EVC2: variants seen among roughly 807,000 people sequenced by gnomAD.
EVC2 encodes the protein limbin.
A neutral mutation model predicts 149.3 loss-of-function variants in EVC2; 148 were observed. The observed-to-expected ratio is 0.99, with a 90% CI of 0.87 to 1.14. EVC2 has a LOEUF of 1.14. Ranked by LOEUF, EVC2 falls within the 50% of genes most tolerant of loss-of-function variation. The pLI is 0.00. For missense variants in EVC2, 1,854 were observed against 1,627.3 expected (o/e 1.14, Z -2.40); for synonymous variants, 776 against 649.9 (o/e 1.19, Z -2.95).
the EVC2 span, among the ~76,000 whole-genome samples, chr4:5,535,625 G>GAGAGAGAGAGAGAGAGAGAGAGAT: frequency 6.0e-5 from 9 of 150,568 alleles, no homozygotes; most frequent in African/African-American, 2.2e-4. This position sits in a 1 kb window ranked among gnomAD's most constrained non-coding sequence, Gnocchi z 4.7. Flanking sequence ...GAGAGAGAGA[G>GAGAGAGAGAGAGAGAGAGAGAGAT]AGAGAGAGAA....
chr4:5,553,045 T>C (rs548649482), intron 21 of EVC2, among the ~76,000 whole-genome samples: 1 of 152,308 alleles, frequency 6.6e-6, no homozygotes, highest in African/African-American at 2.4e-5. Flanking sequence ...CTTTCTCACA[T>C]TGCTATAAAG....
intron 16 of EVC2, among the ~76,000 whole-genome samples, chr4:5,596,103 C>A (rs1024561630): frequency 5.9e-5 from 9 of 152,128 alleles, no homozygotes; most frequent in Non-Finnish European, 8.8e-5. Context: ...GACTTAGACT[C>A]CCACACAATA....
At position 5,666,996 on chromosome 4, in the gene EVC2, C is replaced by T. The variant is rs185555909; in HGVS notation, c.871-1347G>A. Among the ~76,000 whole-genome samples the T allele has an allele frequency of 2.1e-3, 327 of 152,238 alleles. 2 individuals are homozygous for T. The highest frequency in any genetic ancestry group is 7.6e-3 in the African/African-American group (314 of 41,560). ...CTACTGTCTTCTGACAGAAGTGTGC[C>T]TGATGGCCTTTTAGAAGAATCTGTT... is the stretch of plus-strand genomic sequence containing the variant. On this transcript the variant is annotated intron_variant, in intron 7 of 21. Transcript: ENST00000344408.
At chr4:5,559,921 C>G (rs1168141215), downstream of EVC2, among the ~76,000 whole-genome samples, 1 of 152,080 alleles carries the variant, frequency 6.6e-6, no homozygotes, top group East Asian at 1.9e-4. The surrounding 1 kb of genome is among the most constrained non-coding windows in gnomAD (Gnocchi z 5.0). Context: ...ATAGTGACTT[C>G]CTTACAAAGA....
chr4:5,687,224 T>C (rs1320469586), intron 5 of EVC2, among the ~76,000 whole-genome samples: 1 of 151,842 alleles, frequency 6.6e-6, no homozygotes. Flanking sequence ...GCCACTGCAC[T>C]CTAGGCTGGG....
chr4:5,581,514 G>A (rs1711785297), intron 17 of EVC2, among the ~76,000 whole-genome samples: 1 of 150,738 alleles, frequency 6.6e-6, no homozygotes, highest in African/African-American at 2.4e-5. Context: ...GAGATCTGTG[G>A]AATTTTTAAT....
chr4:5,624,994 C>T lies in EVC2; in HGVS notation c.2046+755G>A, dbSNP rs114880867. 2.5e-4 allele frequency among the ~76,000 whole-genome samples: 38 copies of T among 152,274 alleles called. No homozygotes were observed. In the South Asian group the frequency reaches 6.2e-3, roughly 25 times the overall value. On this transcript the variant is annotated intron_variant, in intron 13 of 21. Transcript: ENST00000344408. ...GTTTAGGCCTGCATCCGCTCGCACC[C>T]GGCCAAGTACCAGAGCCTCCCATGG...
Position 5,677,571 on chromosome 4 carries a change from G to A in EVC2, c.870+3689C>T, listed in dbSNP as rs533329944. 3.9e-5 allele frequency among the ~76,000 whole-genome samples: 6 copies of A among 152,174 alleles called. No individual in the cohort carries two copies. The highest frequency in any genetic ancestry group is 2.1e-4 in the South Asian group (1 of 4,830). ...GGTGACGGGAAGCCTGGAAGACCTC[G>A]GCATGGCTCAATTCCATCCATAAGT... On this transcript the variant is annotated intron_variant, in intron 7 of 21. Coordinates refer to ENST00000344408, the MANE Select transcript of EVC2 (RefSeq NM_147127.5). The surrounding 1 kb of genome is among the most constrained non-coding windows in gnomAD (Gnocchi z 4.3).
intron 21 of EVC2, among the ~76,000 whole-genome samples, chr4:5,545,312 G>A (rs1421178940): frequency 6.6e-6 from 1 of 152,178 alleles, no homozygotes; most frequent in Non-Finnish European, 1.5e-5. Flanking sequence ...TCAGGCCAGG[G>A]AAGTCAGTAT....
chr4:5,594,463 C>A (rs553860549), intron 16 of EVC2, among the ~76,000 whole-genome samples: 2 of 152,174 alleles, frequency 1.3e-5, no homozygotes, highest in African/African-American at 2.4e-5. Flanking sequence ...AGGTAAACAG[C>A]GTCTGGAGTG....
chr4:5,569,013 C>T lies in EVC2; in HGVS notation c.3361-373G>A, dbSNP rs1263107720. On this transcript the variant is annotated intron_variant, in intron 19 of 21. Coordinates refer to ENST00000344408, the MANE Select transcript of EVC2 (RefSeq NM_147127.5). The surrounding 1 kb of genome is among the most constrained non-coding windows in gnomAD (Gnocchi z 4.8). Reference sequence around the variant, plus strand: ...CGAGCAGTGCAGGCTCTGGAAACAACAGAAGTGTCCCTAAACCAGTGGACA... The same window carrying T: ...CGAGCAGTGCAGGCTCTGGAAACAATAGAAGTGTCCCTAAACCAGTGGACA... Among the ~76,000 whole-genome samples the T allele has an allele frequency of 6.6e-6, 1 of 152,236 alleles. No individual in the cohort carries two copies. The highest frequency in any genetic ancestry group is 1.5e-5 in the Non-Finnish European group (1 of 68,048).
At chr4:5,701,175 C>G (rs1225341410) in intron 1 of EVC2, among the ~76,000 whole-genome samples, 1 of 152,204 alleles carries the variant, frequency 6.6e-6, no homozygotes, top group African/African-American at 2.4e-5. Flanking sequence ...TCTCACGTTG[C>G]ATCTCTCTGA....
At chr4:5,641,681 A>C (rs1676970641) in intron 9 of EVC2, among the ~76,000 whole-genome samples, 1 of 152,232 alleles carries the variant, frequency 6.6e-6, no homozygotes, top group African/African-American at 2.4e-5. Flanking sequence ...TTATGGTAAA[A>C]ATACATCTGA....
chr4:5,552,882 T>C (rs572185240), intron 21 of EVC2, among the ~76,000 whole-genome samples: 1 of 152,102 alleles, frequency 6.6e-6, no homozygotes, highest in Non-Finnish European at 1.5e-5. Flanking sequence ...GATCTGTGCA[T>C]ACAGAGAGGA....
intron 16 of EVC2, among the ~76,000 whole-genome samples, chr4:5,593,974 C>A (rs550810022): frequency 6.6e-6 from 1 of 152,328 alleles, no homozygotes; most frequent in Admixed American, 6.5e-5. Context: ...ATTGCTAGCA[C>A]GGCAGTCTGA....
chr4:5,690,334 C>G (rs1721029676), intron 4 of EVC2, among the ~76,000 whole-genome samples: 1 of 152,132 alleles, frequency 6.6e-6, no homozygotes, highest in Admixed American at 6.5e-5. Context: ...AGGACTGGCC[C>G]TTGAGCAGCT....
At chr4:5,688,064 T>C (rs917814448) in intron 5 of EVC2, among the ~76,000 whole-genome samples, 1 of 152,142 alleles carries the variant, frequency 6.6e-6, no homozygotes, top group Non-Finnish European at 1.5e-5. Flanking sequence ...AGCGGATTCA[T>C]CTTTATATCA....
rs1357048951 is a variant in EVC2, at chr4:5,670,238, T to C, written c.871-4589A>G. Among the ~76,000 whole-genome samples the C allele has an allele frequency of 6.6e-6, 1 of 152,112 alleles. No homozygotes were observed. The highest frequency in any genetic ancestry group is 3.2e-3 in the Middle Eastern group (1 of 316). ...ATTATCAACATCATCAATATCCCCA[T>C]CATAACTATCTTTACCATCACCATC... On this transcript the variant is annotated intron_variant, in intron 7 of 21. Coordinates refer to ENST00000344408, the MANE Select transcript of EVC2 (RefSeq NM_147127.5). This position sits in a 1 kb window ranked among gnomAD's most constrained non-coding sequence, Gnocchi z 5.2.
intron 13 of EVC2, among the ~76,000 whole-genome samples, chr4:5,623,655 TA>T (rs993781383): frequency 7.2e-5 from 11 of 152,046 alleles, no homozygotes; most frequent in Admixed American, 1.3e-4. Flanking sequence ...AGTTACTGTT[TA>T]AAAAAAATAC....
Sources: gnomAD v4.1 joint callset for allele counts (sites outside exome capture counted in the v4.1 genomes callset) on GRCh38, gnomAD v4.1.1 for gene constraint, Gnocchi (gnomAD v3.1) non-coding constraint, MANE v1.5 for transcripts, NCBI Gene and HGNC (gene_info 2026-07-23, HGNC 2026-07-21) for gene names.